The following ARHGAP39 variants were observed in gnomAD, a reference collection of about 807,000 sequenced individuals.
ARHGAP39 encodes Rho GTPase activating protein 39.
Under a neutral mutation model 106.9 loss-of-function variants are expected in ARHGAP39, and 44 were observed. The observed-to-expected ratio is 0.41, with a 90% CI of 0.32 to 0.53. The LOEUF (loss-of-function observed/expected upper bound fraction) is 0.53, where lower values mean the gene tolerates loss of function less well. ARHGAP39 is among the 20% of genes least tolerant of loss of function. ARHGAP39 has a pLI of 0.21. For synonymous variants in ARHGAP39, 768 were observed against 693.2 expected (o/e 1.11, Z -1.69); for missense variants, 1,496 against 1,577.3 (o/e 0.95, Z 0.87).
chr8:144,542,774 AC>A (rs1355194422), intron 6 of ARHGAP39, among the ~76,000 whole-genome samples: 1 of 151,926 alleles, frequency 6.6e-6, no homozygotes, highest in Non-Finnish European at 1.5e-5. Flanking sequence ...CCCCGTCTCT[AC>A]TAAAAATACA....
chr8:144,648,064 G>T (rs1384825919), intron 1 of ARHGAP39, among the ~76,000 whole-genome samples: 1 of 152,194 alleles, frequency 6.6e-6, no homozygotes, highest in African/African-American at 2.4e-5. Context: ...GACCTCAGAG[G>T]TTGGGCTGGA....
chr8:144,658,444 T>C (rs1372277677), intron 1 of ARHGAP39, among the ~76,000 whole-genome samples: 1 of 152,152 alleles, frequency 6.6e-6, no homozygotes, highest in African/African-American at 2.4e-5. Context: ...CCAGCTAATT[T>C]TGTATTTTTT....
intron 4 of ARHGAP39, among the ~76,000 whole-genome samples, chr8:144,554,309 G>T (rs758823852): frequency 1.3e-5 from 2 of 152,174 alleles, no homozygotes; most frequent in African/African-American, 4.8e-5. Context: ...TTAGCTCAGC[G>T]ACCCACCCCC....
intron 2 of ARHGAP39, among the ~76,000 whole-genome samples, chr8:144,605,135 A>T (rs1820234565): frequency 6.6e-6 from 1 of 152,110 alleles, no homozygotes; most frequent in South Asian, 2.1e-4. Flanking sequence ...GGTGGTGCAC[A>T]CCTGCAGTCC....
At chr8:144,655,570 C>G (rs1055513333) in intron 1 of ARHGAP39, among the ~76,000 whole-genome samples, 7 of 152,094 alleles carry the variant, frequency 4.6e-5, no homozygotes. Context: ...AGAGGAGCCA[C>G]CCACTCCAGG....
intron 2 of ARHGAP39, among the ~76,000 whole-genome samples, chr8:144,596,742 G>C (rs1819636049): frequency 6.6e-6 from 1 of 152,218 alleles, no homozygotes; most frequent in Non-Finnish European, 1.5e-5. Flanking sequence ...CCTCGGCGAA[G>C]ATAAGAAACA....
intron 1 of ARHGAP39, among the ~76,000 whole-genome samples, chr8:144,615,999 T>G (rs562916297): frequency 1.8e-4 from 28 of 152,274 alleles, no homozygotes; most frequent in Admixed American, 3.3e-4. Context: ...GCCGGCTTCT[T>G]CACCTTTCTG....
intron 1 of ARHGAP39, among the ~76,000 whole-genome samples, chr8:144,674,236 T>C (rs1178036420): frequency 1.3e-5 from 2 of 152,180 alleles, no homozygotes; most frequent in Non-Finnish European, 2.9e-5. Context: ...CCAGGTAGAA[T>C]GAGGTACGTG....
At chr8:144,593,073 C>T (rs562633778) in intron 2 of ARHGAP39, among the ~76,000 whole-genome samples, 24 of 152,314 alleles carry the variant, frequency 1.6e-4, no homozygotes, top group African/African-American at 4.6e-4. Context: ...AAGATGTCTA[C>T]GATCCCCAGG....
intron 4 of ARHGAP39, among the ~76,000 whole-genome samples, chr8:144,553,539 AG>A (rs1315460845): frequency 6.6e-6 from 1 of 152,174 alleles, no homozygotes; most frequent in Non-Finnish European, 1.5e-5. Flanking sequence ...CCAGGCCACA[AG>A]CCCCCCGAGG....
chr8:144,533,980 G>A, intron 8 of ARHGAP39, 149 bp downstream of exon 8: 1 of 852,852 alleles, frequency 1.2e-6, no homozygotes, highest in Non-Finnish European at 1.8e-6. Context: ...GGTCAGCCTA[G>A]CGTACCCCGC....
intron 2 of ARHGAP39, among the ~76,000 whole-genome samples, chr8:144,595,712 C>T (rs991373958): frequency 6.6e-5 from 10 of 152,110 alleles, no homozygotes; most frequent in African/African-American, 2.4e-4. Flanking sequence ...TCCACGATGG[C>T]CATGGCAATG....
intron 3 of ARHGAP39, among the ~76,000 whole-genome samples, chr8:144,569,747 A>G (rs895251792): frequency 3.3e-5 from 5 of 152,240 alleles, no homozygotes; most frequent in African/African-American, 1.2e-4. Context: ...AAGACTTATC[A>G]AAATGTATGC....
At chr8:144,592,023 GT>G (rs964980601) in intron 2 of ARHGAP39, among the ~76,000 whole-genome samples, 23 of 152,316 alleles carry the variant, frequency 1.5e-4, no homozygotes, top group Non-Finnish European at 2.2e-4. Context: ...GTTTTTCTGA[GT>G]ACAGAGAAGC....
At chr8:144,582,888 T>TG (rs1157029615) in intron 2 of ARHGAP39, among the ~76,000 whole-genome samples, 3 of 152,112 alleles carry the variant, frequency 2.0e-5, no homozygotes, top group African/African-American at 4.8e-5. Context: ...GGCGAGGTGG[T>TG]GGGGGTCCTG....
chr8:144,533,966 A>G (rs904952268), intron 8 of ARHGAP39, among the ~76,000 whole-genome samples, 163 bp downstream of exon 8: 2 of 151,918 alleles, frequency 1.3e-5, no homozygotes, highest in Non-Finnish European at 2.9e-5. Flanking sequence ...CCAGAAGAAC[A>G]CGGGGTCAGC....
chr8:144,662,514 C>T (rs1398356992), intron 1 of ARHGAP39, among the ~76,000 whole-genome samples: 1 of 149,294 alleles, frequency 6.7e-6, no homozygotes, highest in Non-Finnish European at 1.5e-5. Context: ...TCCCCGTCAG[C>T]ATTATCCACC....
intron 1 of ARHGAP39, among the ~76,000 whole-genome samples, chr8:144,662,479 C>CA (rs1821853285): frequency 2.0e-5 from 3 of 146,798 alleles, no homozygotes; most frequent in Admixed American, 1.4e-4. Flanking sequence ...CACTCCTCCC[C>CA]TCCCCATTAT....
chr8:144,661,565 C>A (rs555431503), intron 1 of ARHGAP39, among the ~76,000 whole-genome samples: 3 of 152,238 alleles, frequency 2.0e-5, no homozygotes, highest in Admixed American at 6.5e-5. Context: ...ATCCTCACAC[C>A]AGCCCAAGGC....
Sources: gnomAD v4.1 joint callset for allele counts (sites outside exome capture counted in the v4.1 genomes callset) on GRCh38, gnomAD v4.1.1 for gene constraint, MANE v1.5 for transcripts, NCBI Gene and HGNC (gene_info 2026-07-23, HGNC 2026-07-21) for gene names.